Variants in RALGAPA1 observed in about 807,000 individuals in gnomAD.
RALGAPA1 encodes the protein ral GTPase-activating protein subunit alpha-1.
In RALGAPA1, 52 loss-of-function variants were observed where a neutral mutation model predicts 269.6. That is an observed-to-expected ratio of 0.19 (90% CI 0.15 to 0.24). The LOEUF (loss-of-function observed/expected upper bound fraction) is 0.24, where lower values mean the gene tolerates loss of function less well. RALGAPA1 is among the 10% of genes least tolerant of loss of function. The pLI is 1.00. For synonymous variants in RALGAPA1, 817 were observed against 1,008.3 expected, an observed-to-expected ratio of 0.81 and a Z score of 3.60; for missense variants, 1,917 against 3,013.9, an observed-to-expected ratio of 0.64 and a Z score of 8.52.
At chr14:35,624,206 C>T (rs1326924248) in intron 35 of RALGAPA1, among the ~76,000 whole-genome samples, 3 of 127,272 alleles carry the variant, frequency 2.4e-5, no homozygotes, top group Admixed American at 7.8e-5. Flanking sequence ...ATTCCAGTTC[C>T]GTAAAAAAAA....
chr14:35,705,954 G>A (rs1344097449), intron 16 of RALGAPA1, among the ~76,000 whole-genome samples: 1 of 152,114 alleles, frequency 6.6e-6, no homozygotes, highest in Non-Finnish European at 1.5e-5. Context: ...CTTCTTTGGT[G>A]AGATGTTTGT....
intron 37 of RALGAPA1, among the ~76,000 whole-genome samples, chr14:35,582,775 G>C (rs191954295): frequency 9.9e-5 from 15 of 152,230 alleles, no homozygotes; most frequent in Admixed American, 9.8e-4. Context: ...TCTTTAAAAG[G>C]CCTGCCCTCA....
At chr14:35,579,890 T>A (rs1258853367) in intron 37 of RALGAPA1, among the ~76,000 whole-genome samples, 1 of 152,118 alleles carries the variant, frequency 6.6e-6, no homozygotes, top group Non-Finnish European at 1.5e-5. Context: ...AATGAAAAAA[T>A]TTAAAAATTA....
intron 32 of RALGAPA1, 45 bp downstream of exon 32, chr14:35,635,418 TA>T (rs1594909817): frequency 4.6e-6 from 7 of 1,512,980 alleles, no homozygotes; most frequent in Non-Finnish European, 6.2e-6. Flanking sequence ...CTCTAGGTTT[TA>T]AAAACTCTTG....
At chr14:35,740,092 G>T (rs1051195996) in intron 11 of RALGAPA1, among the ~76,000 whole-genome samples, 3 of 152,084 alleles carry the variant, frequency 2.0e-5, no homozygotes, top group Non-Finnish European at 2.9e-5. Context: ...TTGTCTACCT[G>T]TTCTTTTATC....
intron 34 of RALGAPA1, among the ~76,000 whole-genome samples, chr14:35,626,720 C>G (rs2061008244): frequency 6.6e-6 from 1 of 151,996 alleles, no homozygotes; most frequent in Non-Finnish European, 1.5e-5. Flanking sequence ...TTTAAAACTT[C>G]AGATTCTTTT....
At chr14:35,604,391 A>T (rs1041006549) in intron 36 of RALGAPA1, among the ~76,000 whole-genome samples, 1 of 152,054 alleles carries the variant, frequency 6.6e-6, no homozygotes, top group Non-Finnish European at 1.5e-5. Context: ...AAACTCACAT[A>T]TTTTGAAATT....
At chr14:35,771,516 AAAC>A (rs1326538284) in intron 3 of RALGAPA1, among the ~76,000 whole-genome samples, 1 of 152,262 alleles carries the variant, frequency 6.6e-6, no homozygotes, top group African/African-American at 2.4e-5. Context: ...AAGCCTCAAA[AAAC>A]AACAAGCAAT....
intron 39 of RALGAPA1, among the ~76,000 whole-genome samples, chr14:35,558,911 G>A (rs900693600): frequency 6.6e-6 from 1 of 152,128 alleles, no homozygotes; most frequent in African/African-American, 2.4e-5. Context: ...AGTGAAGCCA[G>A]GGAACCCAAG....
At chr14:35,723,867 CCT>C (rs753843676) in intron 14 of RALGAPA1, 13 of 151,992 alleles carry the variant, frequency 8.6e-5, no homozygotes, top group Non-Finnish European at 4.4e-5. Context: ...GTAAGTACCC[CCT>C]GAGATTTTGT....
At chr14:35,735,625 T>C (rs538202849) in intron 12 of RALGAPA1, among the ~76,000 whole-genome samples, 114 of 152,166 alleles carry the variant, frequency 7.5e-4, no homozygotes, top group African/African-American at 2.6e-3. Context: ...GCTCAGGTGA[T>C]GGGTGCACCA....
chr14:35,744,386 G>T (rs1306957864), intron 10 of RALGAPA1, among the ~76,000 whole-genome samples: 4 of 128,712 alleles, frequency 3.1e-5, no homozygotes, highest in East Asian at 2.3e-4. Flanking sequence ...AAAAAAAAAA[G>T]AATTAAATTG....
chr14:35,715,987 T>C (rs979985728), intron 16 of RALGAPA1: 44 of 985,248 alleles, frequency 4.5e-5, no homozygotes, highest in Non-Finnish European at 5.2e-5. Context: ...GAATATCTAA[T>C]AGCTCCAGAA....
At chr14:35,713,953 G>C (rs2068583678) in intron 16 of RALGAPA1, among the ~76,000 whole-genome samples, 1 of 152,058 alleles carries the variant, frequency 6.6e-6, no homozygotes, top group South Asian at 2.1e-4. Context: ...AAATTAGCCA[G>C]GCGTGGTGGC....
intron 27 of RALGAPA1, among the ~76,000 whole-genome samples, chr14:35,660,295 A>G (rs1274784663): frequency 2.6e-5 from 4 of 152,080 alleles, no homozygotes; most frequent in Non-Finnish European, 5.9e-5. Flanking sequence ...GTTAGAACTA[A>G]TAAAGTCAGT....
At chr14:35,758,243 CAAAAAAAAAA>C (rs66473514) in intron 6 of RALGAPA1, among the ~76,000 whole-genome samples, 1 of 49,748 alleles carries the variant, frequency 2.0e-5, no homozygotes, top group African/African-American at 7.3e-5. Flanking sequence ...GACTCTGTCT[CAAAAAAAAAA>C]AAAAAAAAAA....
At chr14:35,738,764 C>T in intron 11 of RALGAPA1, 114 bp from the exon 12 acceptor site, 1 of 749,408 alleles carries the variant, frequency 1.3e-6, no homozygotes, top group Non-Finnish European at 2.1e-6. Context: ...AGGTTTCTTT[C>T]TCTCAAAATA....
At position 35,705,343 on chromosome 14, in the gene RALGAPA1, C is replaced by G. The variant is rs190855277; in HGVS notation, c.2267-5041G>C. Among the ~76,000 whole-genome samples the G allele has an allele frequency of 8.1e-4, 124 of 152,200 alleles. No homozygotes were observed. The Middle Eastern group carries it at 0.01, about 13-fold the overall frequency. On this transcript the variant is annotated intron_variant, in intron 16 of 41. Coordinates refer to ENST00000680220, the MANE Select transcript of RALGAPA1 (RefSeq NM_001346249.2). ...TCATCCCTTCTTCTAGCCCCACCCCCCTATTCCTAGTGCCTGGAAACCAGT... is the reference window on the plus strand; with the variant it reads ...TCATCCCTTCTTCTAGCCCCACCCCGCTATTCCTAGTGCCTGGAAACCAGT...
chr14:35,660,153 G>A (rs2063445539), intron 27 of RALGAPA1, among the ~76,000 whole-genome samples: 2 of 151,976 alleles, frequency 1.3e-5, no homozygotes, highest in Admixed American at 1.3e-4. Flanking sequence ...ATTCAACATA[G>A]TATTGGAAGT....
Sources: allele counts gnomAD v4.1 joint callset (sites outside exome capture counted in the v4.1 genomes callset), GRCh38; gene constraint gnomAD v4.1.1; transcripts MANE v1.5; gene names NCBI Gene and HGNC (gene_info 2026-07-23, HGNC 2026-07-21).